Variants in FAM107B observed in about 807,000 individuals in gnomAD.
FAM107B encodes protein FAM107B.
Under a neutral mutation model 31.5 loss-of-function variants are expected in FAM107B, and 21 were observed. The observed-to-expected ratio is 0.67, with a 90% CI of 0.47 to 0.96. The LOEUF is 0.96. Ranked by LOEUF, FAM107B falls within the 40% of genes least tolerant of loss-of-function variation. The pLI is 0.00. For missense variants in FAM107B, 452 were observed against 377.1 expected, an observed-to-expected ratio of 1.20 and a Z score of -1.64; for synonymous variants, 157 against 141.5, an observed-to-expected ratio of 1.11 and a Z score of -0.78.
intron 1 of FAM107B, among the ~76,000 whole-genome samples, chr10:14,757,451 T>C (rs1588759352): frequency 6.6e-6 from 1 of 152,158 alleles, no homozygotes; most frequent in South Asian, 2.1e-4. Flanking sequence ...TCTCTCTCTC[T>C]CTGTTCTGTG....
chr10:14,613,301 T>C (rs570944823), intron 2 of FAM107B, among the ~76,000 whole-genome samples: 2 of 152,298 alleles, frequency 1.3e-5, no homozygotes, highest in Admixed American at 6.5e-5. Flanking sequence ...GAATTGGCAA[T>C]TGAAATGTTA....
At chr10:14,685,791 G>T (rs113660797) in intron 1 of FAM107B, among the ~76,000 whole-genome samples, 1 of 152,116 alleles carries the variant, frequency 6.6e-6, no homozygotes, top group African/African-American at 2.4e-5. Flanking sequence ...TTCTCACACC[G>T]CTGATAAAGA....
intron 2 of FAM107B, among the ~76,000 whole-genome samples, chr10:14,659,679 T>C (rs17155703): frequency 0.14 from 21,089 of 152,148 alleles, 1,804 homozygotes; most frequent in South Asian, 0.27. Context: ...TGGTGGAAAC[T>C]GCACTGTTGA....
At chr10:14,544,440 CG>C (rs1848518440) in intron 2 of FAM107B, among the ~76,000 whole-genome samples, 1 of 152,164 alleles carries the variant, frequency 6.6e-6, no homozygotes, top group South Asian at 2.1e-4. Flanking sequence ...TATAAATCCA[CG>C]GATATTCTTC....
At chr10:14,742,955 C>G (rs1317052168) in intron 1 of FAM107B, among the ~76,000 whole-genome samples, 1 of 152,104 alleles carries the variant, frequency 6.6e-6, no homozygotes, top group Non-Finnish European at 1.5e-5. Flanking sequence ...ACATTTTAAT[C>G]TCTGTGTTTC....
chr10:14,531,728 G>A (rs1432401992), intron 2 of FAM107B, among the ~76,000 whole-genome samples: 3 of 152,106 alleles, frequency 2.0e-5, no homozygotes, highest in Non-Finnish European at 4.4e-5. Flanking sequence ...CAGCTACTTA[G>A]GAGGCTGAGG....
intron 2 of FAM107B, chr10:14,604,388 G>A (rs973783538): frequency 1.3e-4 from 38 of 299,566 alleles, no homozygotes; most frequent in Non-Finnish European, 1.8e-4. Context: ...CCAGTCCGGC[G>A]CAGGGCGGCT....
chr10:14,585,430 CCT>C (rs1229262824), intron 2 of FAM107B, among the ~76,000 whole-genome samples: 7 of 152,046 alleles, frequency 4.6e-5, no homozygotes, highest in East Asian at 1.9e-4. Context: ...CTTCCTCTTC[CCT>C]CTCTCACCAG....
chr10:14,681,998 C>T (rs188343970), intron 1 of FAM107B, among the ~76,000 whole-genome samples: 6 of 152,300 alleles, frequency 3.9e-5, no homozygotes, highest in African/African-American at 1.4e-4. Context: ...CATATTTTCT[C>T]ACAGATGCAC....
intron 1 of FAM107B, among the ~76,000 whole-genome samples, chr10:14,677,417 T>C (rs557085063): frequency 2.4e-4 from 37 of 152,114 alleles, no homozygotes; most frequent in East Asian, 3.9e-4. Flanking sequence ...GTCAGGAGAT[T>C]GAGACCATCC....
At chr10:14,747,585 C>G (rs910440397) in intron 1 of FAM107B, among the ~76,000 whole-genome samples, 3 of 152,168 alleles carry the variant, frequency 2.0e-5, no homozygotes, top group Admixed American at 1.3e-4. Context: ...GGGGTCCACT[C>G]CAGATCCTAT....
At chr10:14,595,396 C>A (rs905113784) in intron 2 of FAM107B, among the ~76,000 whole-genome samples, 5 of 146,272 alleles carry the variant, frequency 3.4e-5, no homozygotes, top group African/African-American at 1.3e-4. Context: ...GATCCTAATT[C>A]TGGCTCAGCT....
chr10:14,530,499 A>G lies in FAM107B; in HGVS notation c.486T>C (p.Asp162=). Residue 162 remains aspartate, a synonymous_variant, in exon 3 of 5, where the codon GAT becomes GAC. Coordinates refer to ENST00000181796, the MANE Select transcript of FAM107B (RefSeq NM_031453.4). ...TGAGATATGAGTCCTTATGGTCAAT[A>G]TCCTCAGGTGGGCTGTCTGAAAGAG... ...QKMTSDSPPE[D]IDHKDSYLIT... The G allele has an allele frequency of 6.2e-7, 1 of 1,612,982 alleles. No homozygotes were observed. The highest frequency in any genetic ancestry group is 8.5e-7 in the Non-Finnish European group (1 of 1,179,822).
chr10:14,569,818 T>G (rs146514643), intron 2 of FAM107B, among the ~76,000 whole-genome samples: 202 of 152,280 alleles, frequency 1.3e-3, no homozygotes, highest in African/African-American at 4.8e-3. Flanking sequence ...TCTGGGACTC[T>G]CGCGCCTACT....
intron 2 of FAM107B, among the ~76,000 whole-genome samples, chr10:14,593,488 G>T (rs548603759): frequency 6.6e-6 from 1 of 152,044 alleles, no homozygotes; most frequent in Non-Finnish European, 1.5e-5. Flanking sequence ...GACCAGCCTG[G>T]CCAATATGGT....
intron 3 of FAM107B, among the ~76,000 whole-genome samples, chr10:14,526,840 A>ATT (rs1166706903): frequency 2.0e-5 from 3 of 147,852 alleles, no homozygotes; most frequent in Non-Finnish European, 4.5e-5. Context: ...AGAAATATTA[A>ATT]TTTTTTTTTT....
chr10:14,742,825 A>G (rs1325586404), intron 1 of FAM107B, among the ~76,000 whole-genome samples: 1 of 151,854 alleles, frequency 6.6e-6, no homozygotes, highest in Non-Finnish European at 1.5e-5. Context: ...TGCACTTCTT[A>G]TCTCCACTAT....
At chr10:14,715,692 G>A (rs556828979) in intron 1 of FAM107B, among the ~76,000 whole-genome samples, 3 of 152,278 alleles carry the variant, frequency 2.0e-5, no homozygotes, top group South Asian at 2.1e-4. Flanking sequence ...GAATTGACTC[G>A]CTCTTCTTGA....
chr10:14,642,319 C>T (rs1853648305), intron 2 of FAM107B, among the ~76,000 whole-genome samples: 1 of 152,228 alleles, frequency 6.6e-6, no homozygotes, highest in African/African-American at 2.4e-5. Context: ...GGCTGTGTCC[C>T]CAAGGCTCCT....
Sources: allele counts gnomAD v4.1 joint callset (sites outside exome capture counted in the v4.1 genomes callset), GRCh38; gene constraint gnomAD v4.1.1; transcripts MANE v1.5; gene names NCBI Gene and HGNC (gene_info 2026-07-23, HGNC 2026-07-21).